KIF14: variants seen among roughly 807,000 people sequenced by gnomAD.
The protein encoded by KIF14 is kinesin-like protein KIF14.
Under a neutral mutation model 176.2 loss-of-function variants are expected in KIF14, and 98 were observed. The ratio of observed to expected loss-of-function variants is 0.56; its 90% CI spans 0.47 to 0.66. The LOEUF is 0.66. Ranked by LOEUF, KIF14 falls within the 30% of genes least tolerant of loss-of-function variation. KIF14 has a pLI of 0.00. For synonymous variants in KIF14, 566 were observed against 632.2 expected (o/e 0.90, Z 1.57); for missense variants, 1,751 against 1,920.4 (o/e 0.91, Z 1.65).
intron 27 of KIF14, among the ~76,000 whole-genome samples, chr1:200,556,525 A>G (rs575592631): frequency 8.5e-5 from 13 of 152,362 alleles, no homozygotes; most frequent in Non-Finnish European, 1.5e-4. Flanking sequence ...TACTATAGAA[A>G]GAAAATGAGA....
rs1318113589 is a variant in KIF14 at position 200,617,657 on chromosome 1, T to G, written c.1067A>C (p.Asn356Thr). Residue 356 changes from asparagine to threonine, a missense_variant, in exon 2 of 30, where the codon AAT becomes ACT. Physicochemically the swap from Asn to Thr is moderately conservative, Grantham distance 65. Transcript: ENST00000367350. ...SAGKDPLKVE[N>T]SQVTVAVRVR... ...GCGTACTGCCACTGTCACTTGACTA[T>G]TCTCTACTTTTAAGGGGTCTTTTCC... is the stretch of plus-strand genomic sequence containing the variant. 5.0e-6 allele frequency: 8 copies of G among 1,613,950 alleles called. No individual in the cohort carries two copies. Among genetic ancestry groups the G allele is most frequent in the Non-Finnish European group, 6.8e-6 (8 of 1,179,902 alleles).
chr1:200,578,902 T>A (rs1291033847), intron 21 of KIF14, among the ~76,000 whole-genome samples: 1 of 151,228 alleles, frequency 6.6e-6, no homozygotes, highest in Non-Finnish European at 1.5e-5. Context: ...CCATCCTGGC[T>A]AACATGGTGA....
At chr1:200,588,248 G>GTT (rs201090107) in intron 18 of KIF14, among the ~76,000 whole-genome samples, 5,194 of 139,486 alleles carry the variant, frequency 0.037, 108 homozygotes, top group Middle Eastern at 0.078. Context: ...TGTTTGTTTT[G>GTT]TTTTTTTTTT....
chr1:200,614,806 A>G (rs949183515), intron 3 of KIF14, among the ~76,000 whole-genome samples: 1 of 151,140 alleles, frequency 6.6e-6, no homozygotes, highest in African/African-American at 2.4e-5. Flanking sequence ...AAAAAAAAAA[A>G]AAAAAAAAAA....
intron 21 of KIF14, among the ~76,000 whole-genome samples, chr1:200,577,155 C>CAAAAAAAAAAAAAAA: frequency 7.3e-6 from 1 of 137,638 alleles, no homozygotes; most frequent in African/African-American, 2.7e-5. Flanking sequence ...ACTAAAAATA[C>CAAAAAAAAAAAAAAA]AAAAAAAAAA....
Position 200,554,461 on chromosome 1 carries a change from A to G in KIF14, c.4567+7T>C. Reference sequence around the variant, plus strand: ...TCTGATTATAAACTCCATTTGGAGAATCATACCTTTCAGTGCAGAAATAAT... The same window carrying G: ...TCTGATTATAAACTCCATTTGGAGAGTCATACCTTTCAGTGCAGAAATAAT... On this transcript the variant is annotated splice_region_variant and intron_variant, in intron 29 of 29. Transcript: ENST00000367350. The G allele has an allele frequency of 6.7e-6, 10 of 1,500,616 alleles. No homozygotes were observed. The highest frequency in any genetic ancestry group is 9.2e-6 in the Non-Finnish European group (10 of 1,091,806). The allele number at this position is 1,500,616 out of a possible 1,614,324, so 93.0% of individuals were successfully genotyped here. A position where few individuals can be genotyped will look rare whatever the true frequency, so the allele number is the denominator to read the frequency against.
At chr1:200,602,344 T>C (rs1289097854) in intron 10 of KIF14, among the ~76,000 whole-genome samples, 2 of 152,284 alleles carry the variant, frequency 1.3e-5, no homozygotes, top group Admixed American at 6.5e-5. Flanking sequence ...TGAGCTACCA[T>C]AGGGAAGGGA....
intron 25 of KIF14, among the ~76,000 whole-genome samples, chr1:200,562,109 T>A (rs890346987): frequency 4.6e-5 from 7 of 152,232 alleles, no homozygotes; most frequent in Non-Finnish European, 8.8e-5. Flanking sequence ...GCTAATTGTA[T>A]TGCTACAAGA....
intron 3 of KIF14, 123 bp downstream of exon 3, chr1:200,615,232 G>A (rs1660353492): frequency 9.7e-7 from 1 of 1,026,510 alleles, no homozygotes; most frequent in African/African-American, 1.6e-5. Flanking sequence ...TATATAAAAT[G>A]GATGAGATTT....
intron 5 of KIF14, 84 bp downstream of exon 5, chr1:200,608,746 C>G (rs1660010844): frequency 1.3e-6 from 1 of 771,382 alleles, no homozygotes; most frequent in Non-Finnish European, 2.2e-6. Flanking sequence ...AAACTTTAAG[C>G]TATACCATCC....
At chr1:200,605,490 CA>C (rs1317322947) in intron 7 of KIF14, 100 bp from the exon 8 acceptor site, 14 of 692,214 alleles carry the variant, frequency 2.0e-5, no homozygotes, top group Admixed American at 3.1e-5. Flanking sequence ...TTCAGATCAG[CA>C]GACTGTAACT....
chr1:200,555,786 G>C (rs1213156376), intron 27 of KIF14, among the ~76,000 whole-genome samples: 7 of 151,706 alleles, frequency 4.6e-5, no homozygotes, highest in Non-Finnish European at 8.8e-5. Flanking sequence ...CATATACTTA[G>C]TCTGTATTTT....
Position 200,590,118 on chromosome 1 carries a change from C to A in KIF14, c.2961+7G>T, listed in dbSNP as rs765935986. 1 of 1,596,690 alleles carries A rather than the reference C, an allele frequency of 6.3e-7. No homozygotes were observed. The highest frequency in any genetic ancestry group is 8.5e-7 in the Non-Finnish European group (1 of 1,176,028). On this transcript the variant is annotated splice_region_variant and intron_variant, in intron 17 of 29. Coordinates refer to ENST00000367350, the MANE Select transcript of KIF14 (RefSeq NM_014875.3). Reference sequence around the variant, plus strand: ...AAAAAAAAAATAAAACTAATTCTGCCTTTTACCAGTTCTGCTTCCAGTGCT... The same window carrying A: ...AAAAAAAAAATAAAACTAATTCTGCATTTTACCAGTTCTGCTTCCAGTGCT...
chr1:200,560,815 T>C lies in KIF14; in HGVS notation c.4137A>G (p.Gln1379=), dbSNP rs766796790. The change falls in exon 26 of 30, where the codon CAA becomes CAG. Residue 1379 remains glutamine, a synonymous_variant. Transcript: ENST00000367350. Reference sequence around the variant, plus strand: ...ACTGCCCCACATACTTTACAGCTTGTTGTACAATTTGGATTGCATTCTTTT... The same window carrying C: ...ACTGCCCCACATACTTTACAGCTTGCTGTACAATTTGGATTGCATTCTTTT... The part of the protein sequence containing the change: ...EAQKNAIQIV[Q]QAVKYVGQLA... 1.2e-6 allele frequency: 2 copies of C among 1,613,992 alleles called. No homozygotes were observed. The highest frequency in any genetic ancestry group is 2.7e-5 in the African/African-American group (2 of 74,954).
chr1:200,603,817 G>A, intron 9 of KIF14, 22 bp downstream of exon 9: 12 of 1,412,762 alleles, frequency 8.5e-6, no homozygotes, highest in Non-Finnish European at 1.1e-5. Flanking sequence ...TTCATCAAAA[G>A]GAGAAAAAGC....
At chr1:200,610,570 T>A (rs1181187954) in intron 4 of KIF14, among the ~76,000 whole-genome samples, 1 of 151,862 alleles carries the variant, frequency 6.6e-6, no homozygotes, top group East Asian at 1.9e-4. Flanking sequence ...CATTTCTTCT[T>A]AACTTCTGCA....
chr1:200,615,404 T>G lies in KIF14; in HGVS notation c.1318A>C (p.Asn440His). Residue 440 changes from asparagine (N) to histidine (H), a missense_variant, in exon 3 of 30, where the codon AAT becomes CAT. Transcript: ENST00000367350. ...TGACCATAAGCAAAAAGACAGGTAT[T>G]GAAGCCTTCGAAGGCTCTTTCTAGG... is the stretch of plus-strand genomic sequence containing the variant. ...PLLERAFEGF[N>H]TCLFAYGQTG... 6.2e-7 allele frequency: 1 copy of G among 1,614,132 alleles called. No individual in the cohort carries two copies. Among genetic ancestry groups the G allele is most frequent in the Non-Finnish European group, 8.5e-7 (1 of 1,179,968 alleles).
chr1:200,589,447 T>G (rs987730829), intron 17 of KIF14, 78 bp from the exon 18 acceptor site: 10 of 1,221,926 alleles, frequency 8.2e-6, no homozygotes, highest in Non-Finnish European at 1.1e-5. Flanking sequence ...CTTTAACCAA[T>G]GTACAAGAAA....
At position 200,615,619 on chromosome 1, in the gene KIF14, A is replaced by G; in HGVS notation, c.1113-10T>C. On this transcript the variant is annotated splice_polypyrimidine_tract_variant and intron_variant, in intron 2 of 29. Transcript: ENST00000367350. The stretch of plus-strand genomic sequence containing the variant: ...TTTTTCAATCTTCTCTCTTGAAAGA[A>G]GCACAAAGAAAAAAATCAAGTAACT... The G allele has an allele frequency of 6.3e-6, 10 of 1,594,398 alleles. No individual in the cohort carries two copies. The highest frequency in any genetic ancestry group is 7.7e-6 in the Non-Finnish European group (9 of 1,171,960).
Sources: allele counts gnomAD v4.1 joint callset (sites outside exome capture counted in the v4.1 genomes callset), GRCh38; gene constraint gnomAD v4.1.1; transcripts MANE v1.5; gene names NCBI Gene and HGNC (gene_info 2026-07-23, HGNC 2026-07-21).